UNC13C: variants seen among roughly 807,000 people sequenced by gnomAD.
UNC13C encodes the protein unc-13 homolog C.
Under a neutral mutation model 245.4 loss-of-function variants are expected in UNC13C, and 174 were observed. The ratio of observed to expected loss-of-function variants is 0.71; its 90% CI spans 0.63 to 0.80. The LOEUF is 0.80. Among genes scored for constraint, UNC13C ranks in the 30% least tolerant of loss-of-function variants. UNC13C has a pLI of 0.00. For synonymous variants in UNC13C, 992 were observed against 895.1 expected, an observed-to-expected ratio of 1.11 and a Z score of -1.93; for missense variants, 2,829 against 2,602.9, an observed-to-expected ratio of 1.09 and a Z score of -1.89.
chr15:53,991,214 C>A (rs562625324), intron 1 of UNC13C, among the ~76,000 whole-genome samples: 2 of 151,958 alleles, frequency 1.3e-5, no homozygotes, highest in South Asian at 4.2e-4. Flanking sequence ...GATTGGAATT[C>A]TCTGGGCTTT....
intron 2 of UNC13C, among the ~76,000 whole-genome samples, chr15:54,033,926 A>C (rs1480694298): frequency 6.6e-6 from 1 of 152,232 alleles, no homozygotes; most frequent in Non-Finnish European, 1.5e-5. Flanking sequence ...CCTCTGCTAT[A>C]TACAGTGGGG....
intron 18 of UNC13C, among the ~76,000 whole-genome samples, chr15:54,396,372 G>C (rs1424832879): frequency 2.0e-5 from 3 of 151,320 alleles, no homozygotes; most frequent in Non-Finnish European, 4.4e-5. Context: ...CTTTTGTCTG[G>C]CTGCTTTTAT....
intron 19 of UNC13C, among the ~76,000 whole-genome samples, chr15:54,459,881 G>T (rs1891742208): frequency 6.6e-6 from 1 of 151,822 alleles, no homozygotes; most frequent in Admixed American, 6.6e-5. Flanking sequence ...TCAAACTTCT[G>T]ATTTCTTTAT....
At chr15:54,311,095 G>A (rs993794747) in intron 13 of UNC13C, among the ~76,000 whole-genome samples, 2 of 151,690 alleles carry the variant, frequency 1.3e-5, no homozygotes, top group African/African-American at 4.8e-5. Flanking sequence ...AAAAGGATAG[G>A]TATTTTTACC....
At chr15:54,450,387 G>T (rs533446526) in intron 19 of UNC13C, among the ~76,000 whole-genome samples, 2 of 152,222 alleles carry the variant, frequency 1.3e-5, no homozygotes, top group African/African-American at 4.8e-5. Context: ...TACAGAGGCC[G>T]GCAGGCCTCC....
chr15:54,086,314 G>C (rs751042648), intron 2 of UNC13C, among the ~76,000 whole-genome samples: 4 of 152,168 alleles, frequency 2.6e-5, no homozygotes, highest in Non-Finnish European at 5.9e-5. Context: ...TCGGAGTGGA[G>C]AAAGATATGG....
chr15:54,015,501 T>C lies in UNC13C; in HGVS notation c.2598T>C (p.Asp866=). Residue 866 remains aspartate, a synonymous_variant, in exon 2 of 33, where the codon GAT becomes GAC. Transcript: ENST00000260323. ...PYYYKAEDEE[D]YTEPVADNET... is the part of the protein sequence containing the mutation. ...ACTATAAAGCAGAGGATGAGGAAGA[T>C]TATACTGAACCAGTGGCTGACAATG... 6.2e-7 allele frequency: 1 copy of C among 1,612,778 alleles called. No homozygotes were observed. The highest frequency in any genetic ancestry group is 8.5e-7 in the Non-Finnish European group (1 of 1,179,082).
At chr15:54,306,085 A>T (rs1360519463) in intron 13 of UNC13C, among the ~76,000 whole-genome samples, 1 of 152,038 alleles carries the variant, frequency 6.6e-6, no homozygotes, top group East Asian at 1.9e-4. Context: ...TTTTCAGACA[A>T]AAGAGTCTGA....
chr15:54,194,835 A>T (rs1218185602), intron 4 of UNC13C, among the ~76,000 whole-genome samples: 1 of 152,176 alleles, frequency 6.6e-6, no homozygotes, highest in Admixed American at 6.6e-5. Flanking sequence ...ACAAAAATTT[A>T]AAATATTTAT....
intron 1 of UNC13C, among the ~76,000 whole-genome samples, chr15:53,993,157 AG>A (rs1894466824): frequency 6.6e-6 from 1 of 152,090 alleles, no homozygotes; most frequent in Non-Finnish European, 1.5e-5. Flanking sequence ...TTCCCAGGGA[AG>A]TAGGCTATGA....
chr15:53,879,832 G>T, the UNC13C span, among the ~76,000 whole-genome samples: 1 of 152,052 alleles, frequency 6.6e-6, no homozygotes, highest in Non-Finnish European at 1.5e-5. Context: ...CGATCCACCT[G>T]CCTTGGCCTG....
intron 28 of UNC13C, among the ~76,000 whole-genome samples, chr15:54,552,597 AT>A (rs1896834658): frequency 1.5e-5 from 1 of 66,102 alleles, no homozygotes; most frequent in Non-Finnish European, 2.5e-5. Context: ...TGTACAATAT[AT>A]AATATATAAT....
At chr15:54,019,505 T>C (rs1566954773) in intron 2 of UNC13C, among the ~76,000 whole-genome samples, 1 of 152,216 alleles carries the variant, frequency 6.6e-6, no homozygotes, top group Non-Finnish European at 1.5e-5. Flanking sequence ...ATAAATACTG[T>C]ACTATAACAG....
At chr15:54,596,490 A>T (rs1408436112) in intron 30 of UNC13C, among the ~76,000 whole-genome samples, 1 of 152,214 alleles carries the variant, frequency 6.6e-6, no homozygotes, top group Admixed American at 6.5e-5. Context: ...TCTGATAAGC[A>T]TATGCACACA....
chr15:54,407,211 T>C (rs766193567), intron 18 of UNC13C, among the ~76,000 whole-genome samples: 1 of 151,852 alleles, frequency 6.6e-6, no homozygotes, highest in Non-Finnish European at 1.5e-5. Flanking sequence ...AGAGGGAAAA[T>C]AGAGGCAAAG....
chr15:54,189,825 C>T (rs553274050), intron 4 of UNC13C, among the ~76,000 whole-genome samples: 122 of 152,074 alleles, frequency 8.0e-4, no homozygotes, highest in African/African-American at 2.7e-3. Context: ...ATTGCGGCGG[C>T]ATCTTGATTC....
intron 13 of UNC13C, among the ~76,000 whole-genome samples, chr15:54,315,846 G>A (rs1243187990): frequency 1.3e-5 from 2 of 151,664 alleles, no homozygotes; most frequent in Admixed American, 1.3e-4. Flanking sequence ...TCCCCATCCT[G>A]CTCTCCTTAT....
intron 2 of UNC13C, among the ~76,000 whole-genome samples, chr15:54,079,515 G>A (rs1044220755): frequency 4.0e-5 from 6 of 151,674 alleles, no homozygotes; most frequent in Non-Finnish European, 7.4e-5. Context: ...TTCTGGTAAC[G>A]GTCTTTTACC....
chr15:54,179,085 C>T (rs1328567436), intron 4 of UNC13C, among the ~76,000 whole-genome samples: 2 of 152,038 alleles, frequency 1.3e-5, no homozygotes, highest in Non-Finnish European at 2.9e-5. Context: ...AGCACCAACC[C>T]AGCCAATTAT....
Sources: allele counts gnomAD v4.1 joint callset (sites outside exome capture counted in the v4.1 genomes callset), GRCh38; gene constraint gnomAD v4.1.1; transcripts MANE v1.5; gene names NCBI Gene and HGNC (gene_info 2026-07-23, HGNC 2026-07-21).